Variants in CNTN5 observed in about 807,000 individuals in gnomAD.
CNTN5 encodes contactin 5.
Under a neutral mutation model 129.1 loss-of-function variants are expected in CNTN5, and 77 were observed. That is an observed-to-expected ratio of 0.60 (90% CI 0.50 to 0.72). The LOEUF is 0.72. Ranked by LOEUF, CNTN5 falls within the 30% of genes least tolerant of loss-of-function variation. CNTN5 has a pLI of 0.00. For missense variants in CNTN5, 1,478 were observed against 1,328.8 expected (o/e 1.11, Z -1.75); for synonymous variants, 509 against 465.6 (o/e 1.09, Z -1.20).
intron 13 of CNTN5, among the ~76,000 whole-genome samples, chr11:100,081,357 T>C (rs1361367095): frequency 2.0e-5 from 3 of 152,164 alleles, no homozygotes; most frequent in African/African-American, 7.2e-5. Context: ...TGTTGAAAGC[T>C]AGACCTCTGA....
intron 2 of CNTN5, among the ~76,000 whole-genome samples, chr11:99,356,522 C>T (rs560384363): frequency 2.6e-4 from 40 of 152,298 alleles, no homozygotes; most frequent in African/African-American, 8.4e-4. Flanking sequence ...CCCTCCTCAA[C>T]ATCATCAACA....
chr11:99,124,906 C>T (rs1325277410), intron 1 of CNTN5, among the ~76,000 whole-genome samples: 1 of 151,874 alleles, frequency 6.6e-6, no homozygotes, highest in Non-Finnish European at 1.5e-5. Flanking sequence ...ACCTCCTAAA[C>T]TGAACCAGAA....
At chr11:99,713,551 T>C (rs1241809727) in intron 3 of CNTN5, among the ~76,000 whole-genome samples, 1 of 151,868 alleles carries the variant, frequency 6.6e-6, no homozygotes, top group Admixed American at 6.6e-5. Flanking sequence ...TGCAAGATGC[T>C]GGGGTAAATT....
At chr11:99,366,966 G>T (rs1327832879) in intron 2 of CNTN5, among the ~76,000 whole-genome samples, 1 of 152,066 alleles carries the variant, frequency 6.6e-6, no homozygotes, top group African/African-American at 2.4e-5. Flanking sequence ...CGACAGATAG[G>T]GCTCATCGTA....
chr11:99,942,370 C>A (rs1219465483), intron 7 of CNTN5, among the ~76,000 whole-genome samples: 1 of 151,824 alleles, frequency 6.6e-6, no homozygotes, highest in Admixed American at 6.6e-5. Flanking sequence ...AATATCCAAA[C>A]TGGATCATTT....
chr11:99,245,796 G>A (rs934094182), intron 1 of CNTN5, among the ~76,000 whole-genome samples: 1 of 152,130 alleles, frequency 6.6e-6, no homozygotes, highest in East Asian at 1.9e-4. Context: ...CTTTGTTGTA[G>A]GGGATGTACG....
chr11:99,775,731 T>G (rs1318924524), intron 3 of CNTN5, among the ~76,000 whole-genome samples: 1 of 152,058 alleles, frequency 6.6e-6, no homozygotes, highest in Non-Finnish European at 1.5e-5. Context: ...AATTTTGTAC[T>G]CACGTTATGA....
chr11:99,262,417 T>C (rs1862678470), intron 1 of CNTN5, among the ~76,000 whole-genome samples: 2 of 152,058 alleles, frequency 1.3e-5, no homozygotes, highest in Admixed American at 6.6e-5. Flanking sequence ...GCTACTATTA[T>C]TGATTGAGCA....
chr11:99,361,249 C>G (rs1333723159), intron 2 of CNTN5, among the ~76,000 whole-genome samples: 1 of 152,136 alleles, frequency 6.6e-6, no homozygotes, highest in Non-Finnish European at 1.5e-5. Context: ...ACCAGAAGCA[C>G]CTTTAATGCT....
At chr11:100,185,771 C>A (rs78761369) in intron 13 of CNTN5, among the ~76,000 whole-genome samples, 2,044 of 152,234 alleles carry the variant, frequency 0.013, 55 homozygotes, top group African/African-American at 0.047. Flanking sequence ...CTCTCTGCCA[C>A]ACATGTGCAC....
chr11:100,057,648 G>A (rs1943290656), intron 9 of CNTN5, among the ~76,000 whole-genome samples: 1 of 149,914 alleles, frequency 6.7e-6, no homozygotes, highest in Admixed American at 6.7e-5. Flanking sequence ...TTTTACAGAT[G>A]AGAAACAAAA....
At chr11:100,258,643 A>ACATTCAG (rs1488188545) in intron 17 of CNTN5, among the ~76,000 whole-genome samples, 1 of 152,142 alleles carries the variant, frequency 6.6e-6, no homozygotes, top group East Asian at 1.9e-4. Context: ...TCAACATTCA[A>ACATTCAG]CATTCTTAAA....
intron 6 of CNTN5, among the ~76,000 whole-genome samples, chr11:99,854,164 C>T (rs1336934785): frequency 6.6e-6 from 1 of 152,088 alleles, no homozygotes; most frequent in Admixed American, 6.6e-5. Context: ...AATTTCCTTG[C>T]CTACCTGGAA....
chr11:99,830,443 G>C (rs984913255), intron 4 of CNTN5, among the ~76,000 whole-genome samples: 9 of 151,972 alleles, frequency 5.9e-5, no homozygotes, highest in African/African-American at 9.7e-5. Flanking sequence ...ATTTGACTTG[G>C]CACATGGGCA....
chr11:99,575,832 T>C (rs971278905), intron 3 of CNTN5, among the ~76,000 whole-genome samples: 8 of 152,098 alleles, frequency 5.3e-5, no homozygotes, highest in Non-Finnish European at 8.8e-5. Flanking sequence ...GGGGTGGAGC[T>C]GGGAGAAGAG....
chr11:99,170,986 T>C (rs2135539901), intron 1 of CNTN5, among the ~76,000 whole-genome samples: 1 of 152,296 alleles, frequency 6.6e-6, no homozygotes, highest in African/African-American at 2.4e-5. Flanking sequence ...ACTTTAAAAA[T>C]AGAAAGTCAA....
chr11:100,219,061 A>G (rs904673028), intron 15 of CNTN5, among the ~76,000 whole-genome samples: 1 of 152,210 alleles, frequency 6.6e-6, no homozygotes. Context: ...TAAGGCACAC[A>G]AAAAGAGAAA....
chr11:99,758,196 A>G (rs1007421079), intron 3 of CNTN5, among the ~76,000 whole-genome samples: 2 of 152,072 alleles, frequency 1.3e-5, no homozygotes, highest in African/African-American at 4.8e-5. Flanking sequence ...CTTAATGACA[A>G]CATTGTGGTT....
At chr11:100,014,803 A>G (rs1378836888) in intron 9 of CNTN5, among the ~76,000 whole-genome samples, 1 of 151,830 alleles carries the variant, frequency 6.6e-6, no homozygotes, top group African/African-American at 2.4e-5. Context: ...GTTGACTCCA[A>G]CTGCACCTCT....
Sources: allele counts gnomAD v4.1 joint callset (sites outside exome capture counted in the v4.1 genomes callset), GRCh38; gene constraint gnomAD v4.1.1; transcripts MANE v1.5; gene names NCBI Gene and HGNC (gene_info 2026-07-23, HGNC 2026-07-21).